Variants in XIRP2 observed in about 807,000 individuals in gnomAD.
The protein encoded by XIRP2 is xin actin-binding repeat-containing protein 2.
A neutral mutation model predicts 277.0 loss-of-function variants in XIRP2; 236 were observed. The observed-to-expected ratio is 0.85, with a 90% CI of 0.77 to 0.95. The LOEUF (loss-of-function observed/expected upper bound fraction) is 0.95, where lower values mean the gene tolerates loss of function less well. Ranked by LOEUF, XIRP2 falls within the 40% of genes least tolerant of loss-of-function variation. The pLI, the probability that XIRP2 is intolerant of heterozygous loss-of-function variation, is 0.00. For synonymous variants in XIRP2, 1,490 were observed against 1,416.5 expected, an observed-to-expected ratio of 1.05 and a Z score of -1.17; for missense variants, 4,640 against 4,157.5, an observed-to-expected ratio of 1.12 and a Z score of -3.19.
chr2:167,095,814 A>ATGC (rs1690293445), intron 2 of XIRP2, among the ~76,000 whole-genome samples: 1 of 119,290 alleles, frequency 8.4e-6, no homozygotes, highest in Non-Finnish European at 1.7e-5. Context: ...TTTCAGGATG[A>ATGC]TGCTGGCCTC....
chr2:167,253,446 A>T (rs1695572282), intron 9 of XIRP2, among the ~76,000 whole-genome samples: 1 of 151,888 alleles, frequency 6.6e-6, no homozygotes, highest in South Asian at 2.1e-4. Flanking sequence ...CAGGAGTCTC[A>T]TTGCATTACA....
At chr2:167,118,829 G>C (rs184318295) in intron 2 of XIRP2, among the ~76,000 whole-genome samples, 3 of 152,172 alleles carry the variant, frequency 2.0e-5, no homozygotes, top group Non-Finnish European at 2.9e-5. Context: ...AGTCATGAAG[G>C]TGAAATAACC....
In XIRP2 at chr2:167,136,051, G is replaced by A. The variant is rs375141738; in HGVS notation, c.551G>A (p.Arg184His). ...DKMSPESGHS[R>H]IFEATAGPNK... ...ATGTCACCTGAAAGTGGTCACAGCC[G>A]CATCTTTGAAGGTTAGCATAACATT... is the stretch of plus-strand genomic sequence containing the variant. The change falls in exon 3 of 11, where the codon CGC becomes CAC. Residue 184 changes from arginine to histidine, a missense_variant. Coordinates refer to ENST00000409195, the MANE Select transcript of XIRP2 (RefSeq NM_152381.6). The A allele has an allele frequency of 2.1e-5, 33 of 1,600,228 alleles. No homozygotes were observed. The highest frequency in any genetic ancestry group is 1.7e-4 in the Middle Eastern group (1 of 6,016).
chr2:167,085,905 G>T (rs563730920), intron 2 of XIRP2, among the ~76,000 whole-genome samples: 24 of 152,240 alleles, frequency 1.6e-4, no homozygotes, highest in Middle Eastern at 3.4e-3. Flanking sequence ...CAATTTGCCA[G>T]TCTGTGTCTT....
chr2:167,099,129 T>C (rs1049230670), intron 2 of XIRP2, among the ~76,000 whole-genome samples: 6 of 152,242 alleles, frequency 3.9e-5, no homozygotes, highest in African/African-American at 1.4e-4. Flanking sequence ...CCAGGTGCTC[T>C]GTTCCAGGGA....
Position 167,243,305 on chromosome 2 carries a change from A to G in XIRP2, c.1913A>G (p.Glu638Gly). The change falls in exon 9 of 11, where the codon GAA becomes GGA. Residue 638 changes from glutamate (E) to glycine (G), a missense_variant. Physicochemically the swap from Glu to Gly is moderately conservative, Grantham distance 98. Coordinates refer to ENST00000409195, the MANE Select transcript of XIRP2 (RefSeq NM_152381.6). ...GGGGCTTATTCTTCTGACACTGTAG[A>G]AAATGCAGAGAAAATTCCTGAGCTA... The part of the protein sequence containing the change: ...TLGAYSSDTV[E>G]NAEKIPELAR... 4 of 1,613,728 alleles carry G rather than the reference A, an allele frequency of 2.5e-6. No homozygotes were observed. The highest frequency in any genetic ancestry group is 3.4e-6 in the Non-Finnish European group (4 of 1,179,798).
At chr2:167,253,471 T>A (rs1443290634) in intron 9 of XIRP2, among the ~76,000 whole-genome samples, 1 of 151,878 alleles carries the variant, frequency 6.6e-6, no homozygotes. Flanking sequence ...AGAGTTGGTA[T>A]CTTACAGTCA....
rs572121362 is a variant in XIRP2 at position 167,012,521 on chromosome 2, C to T, written c.408+108631C>T. Among the ~76,000 whole-genome samples, 4 of 151,688 alleles carry T rather than the reference C, an allele frequency of 2.6e-5. No individual in the cohort carries two copies. The Admixed American group carries it at 2.6e-4, about 10-fold the overall frequency. ...TTCTTTCTGATAGCTGTTAACATTA[C>T]ACTATGTGGTACACATAATCATCTA... On this transcript the variant is annotated intron_variant, in intron 2 of 10. Coordinates refer to ENST00000409195, the MANE Select transcript of XIRP2 (RefSeq NM_152381.6).
chr2:167,100,887 A>C (rs1690468983), intron 2 of XIRP2, among the ~76,000 whole-genome samples: 1 of 152,192 alleles, frequency 6.6e-6, no homozygotes, highest in Non-Finnish European at 1.5e-5. Context: ...GGAAAAGATA[A>C]AGCAGAAGTT....
chr2:167,152,412 C>A (rs1306314840), intron 3 of XIRP2, among the ~76,000 whole-genome samples: 1 of 151,882 alleles, frequency 6.6e-6, no homozygotes, highest in Non-Finnish European at 1.5e-5. Context: ...TCTCCTCAAA[C>A]CAAGCATAAA....
At chr2:167,017,856 C>T (rs975031533) in intron 2 of XIRP2, among the ~76,000 whole-genome samples, 4 of 151,968 alleles carry the variant, frequency 2.6e-5, no homozygotes, top group African/African-American at 9.7e-5. Flanking sequence ...CCAGATGTCC[C>T]AGCCCATATT....
At chr2:166,924,147 C>T (rs1470710145) in intron 2 of XIRP2, among the ~76,000 whole-genome samples, 1 of 152,004 alleles carries the variant, frequency 6.6e-6, no homozygotes, top group Non-Finnish European at 1.5e-5. Context: ...TGTGTGTGGG[C>T]TCATCGGGAA....
At position 167,258,985 on chromosome 2, in the gene XIRP2, C is replaced by T; in HGVS notation, c.*1168C>T. 12 of 1,611,758 alleles carry T rather than the reference C, an allele frequency of 7.4e-6. No homozygotes were observed. Among genetic ancestry groups the T allele is most frequent in the Non-Finnish European group, 1.0e-5 (12 of 1,178,842 alleles). On this transcript the variant is annotated 3_prime_UTR_variant, in exon 11 of 11. Coordinates refer to ENST00000409195, the MANE Select transcript of XIRP2 (RefSeq NM_152381.6). ...TTATGGTAAAGGGGGGAAGTTCAAT[C>T]ATCTCTCCTGATACAAATCTCTTAA...
At chr2:167,198,489 A>C (rs1242170343) in intron 3 of XIRP2, among the ~76,000 whole-genome samples, 1 of 152,194 alleles carries the variant, frequency 6.6e-6, no homozygotes, top group Admixed American at 6.5e-5. Context: ...ACAAGAGGCC[A>C]ATTACCTTTT....
rs767304561 is a variant in XIRP2, at chr2:167,249,966, CGATGCACATCTT to C, written c.8578_8589del (p.Ala2860_Asp2863del). On this transcript the variant is annotated inframe_deletion, in exon 9 of 11. Coordinates refer to ENST00000409195, the MANE Select transcript of XIRP2 (RefSeq NM_152381.6). Reference sequence around the variant, plus strand: ...CAAAGGTCGTCAAGCAAAAGGTTATCGATGCACATCTTGATTCACAGACTCAGAATTTTCAGC... The same window carrying C: ...CAAAGGTCGTCAAGCAAAAGGTTATCGATTCACAGACTCAGAATTTTCAGC... 6.2e-7 allele frequency: 1 copy of C among 1,613,544 alleles called. No individual in the cohort carries two copies. The highest frequency in any genetic ancestry group is 8.5e-7 in the Non-Finnish European group (1 of 1,179,658).
intron 2 of XIRP2, among the ~76,000 whole-genome samples, chr2:166,972,929 T>A (rs898552949): frequency 6.6e-6 from 1 of 152,222 alleles, no homozygotes; most frequent in Non-Finnish European, 1.5e-5. Context: ...ATCTTAGTAA[T>A]GCTTTCTAAA....
chr2:167,049,627 A>G (rs1250823322), intron 2 of XIRP2, among the ~76,000 whole-genome samples: 1 of 152,024 alleles, frequency 6.6e-6, no homozygotes, highest in East Asian at 1.9e-4. Flanking sequence ...TCTATTGAGA[A>G]TTCTCTGCAC....
chr2:167,080,601 G>GGAAA (rs1431951168), intron 2 of XIRP2, among the ~76,000 whole-genome samples: 9 of 152,030 alleles, frequency 5.9e-5, no homozygotes, highest in Admixed American at 3.3e-4. Context: ...AAGGAAGGAA[G>GGAAA]GTGGAAACAT....
intron 3 of XIRP2, among the ~76,000 whole-genome samples, chr2:167,152,791 C>T (rs1692054988): frequency 1.3e-5 from 2 of 152,058 alleles, no homozygotes; most frequent in Admixed American, 6.6e-5. Flanking sequence ...TACTTTTAAC[C>T]CCCCAACTCC....
Sources: gnomAD v4.1 joint callset for allele counts (sites outside exome capture counted in the v4.1 genomes callset) on GRCh38, gnomAD v4.1.1 for gene constraint, MANE v1.5 for transcripts, NCBI Gene and HGNC (gene_info 2026-07-23, HGNC 2026-07-21) for gene names.